The following MAF variants were observed in gnomAD, a reference collection of about 807,000 sequenced individuals.
MAF encodes transcription factor Maf.
MAF carries 10 observed loss-of-function variants against 22.0 expected under a neutral mutation model. The observed-to-expected ratio is 0.45, with a 90% CI of 0.28 to 0.77. MAF has a LOEUF of 0.77. Among genes scored for constraint, MAF ranks in the 30% least tolerant of loss-of-function variants. The probability of loss-of-function intolerance (pLI) is 0.12; values close to 1 mark genes in which losing one functional copy is unlikely to be tolerated. For synonymous variants in MAF, 337 were observed against 255.8 expected, an observed-to-expected ratio of 1.32 and a Z score of -3.03; for missense variants, 544 against 548.4, an observed-to-expected ratio of 0.99 and a Z score of 0.08.
chr16:79,507,089 C>A, the MAF span, among the ~76,000 whole-genome samples: 3 of 150,912 alleles, frequency 2.0e-5, no homozygotes, highest in African/African-American at 7.3e-5. Context: ...TAAAAATAAA[C>A]CATGCTTAAT....
the MAF span, among the ~76,000 whole-genome samples, chr16:79,475,117 A>T: frequency 6.6e-6 from 1 of 152,364 alleles, no homozygotes; most frequent in Non-Finnish European, 1.5e-5. Flanking sequence ...TGTGCAGCTC[A>T]GCAGTGTCCC....
the MAF span, among the ~76,000 whole-genome samples, chr16:79,461,457 G>T: frequency 1.3e-5 from 2 of 152,158 alleles, no homozygotes; most frequent in Non-Finnish European, 1.5e-5. Flanking sequence ...TGTCAGCTCA[G>T]CCAGCAGATG....
the MAF span, among the ~76,000 whole-genome samples, chr16:79,273,632 C>G: frequency 6.6e-6 from 1 of 152,310 alleles, no homozygotes; most frequent in African/African-American, 2.4e-5. Context: ...CCTCTGTCTT[C>G]AAAGCCAGCA....
At chr16:79,315,909 T>C in the MAF span, among the ~76,000 whole-genome samples, 12,831 of 152,282 alleles carry the variant, frequency 0.084, 1,255 homozygotes, top group East Asian at 0.4. Context: ...ATCAATCTGC[T>C]CCTGGGTGTG....
chr16:79,572,883 G>C, the MAF span, among the ~76,000 whole-genome samples: 1 of 152,198 alleles, frequency 6.6e-6, no homozygotes, highest in Non-Finnish European at 1.5e-5. Flanking sequence ...TTATGTCTGT[G>C]AATAGTCTGT....
chr16:79,475,357 T>C, the MAF span, among the ~76,000 whole-genome samples: 5 of 140,456 alleles, frequency 3.6e-5, no homozygotes, highest in African/African-American at 1.2e-4. Flanking sequence ...TATGTATGTA[T>C]ATATATGTGT....
chr16:79,480,105 T>C, the MAF span, among the ~76,000 whole-genome samples: 1 of 152,134 alleles, frequency 6.6e-6, no homozygotes, highest in East Asian at 1.9e-4. Flanking sequence ...ACCCAGATAC[T>C]CCTTGACTGC....
chr16:79,404,896 G>C, the MAF span, among the ~76,000 whole-genome samples: 3 of 152,148 alleles, frequency 2.0e-5, no homozygotes, highest in African/African-American at 7.2e-5. Flanking sequence ...CTTCTCCCCA[G>C]ACACTTACAA....
chr16:79,243,009 G>A, the MAF span, among the ~76,000 whole-genome samples: 10,972 of 151,918 alleles, frequency 0.072, 580 homozygotes, highest in Middle Eastern at 0.14. Flanking sequence ...CAATGAGAAC[G>A]AAGACACAAA....
the MAF span, among the ~76,000 whole-genome samples, chr16:79,284,389 G>A: frequency 1.3e-5 from 2 of 152,160 alleles, no homozygotes; most frequent in African/African-American, 4.8e-5. Context: ...CCCTTAGAGG[G>A]TTCCACTGGG....
the MAF span, among the ~76,000 whole-genome samples, chr16:79,415,082 T>C: frequency 6.6e-6 from 1 of 152,244 alleles, no homozygotes; most frequent in Non-Finnish European, 1.5e-5. Context: ...CAAAGGACTG[T>C]GTGCCCTGCA....
At chr16:79,438,451 A>G in the MAF span, among the ~76,000 whole-genome samples, 1 of 152,288 alleles carries the variant, frequency 6.6e-6, no homozygotes, top group Admixed American at 6.5e-5. Context: ...TGCCAAGGAG[A>G]TAACAGCCTG....
the MAF span, among the ~76,000 whole-genome samples, chr16:79,425,447 C>G: frequency 6.6e-6 from 1 of 152,178 alleles, no homozygotes; most frequent in African/African-American, 2.4e-5. Context: ...CTCTAGCAAA[C>G]TCAGTGTTCA....
At chr16:79,280,525 C>T in the MAF span, among the ~76,000 whole-genome samples, 3 of 152,244 alleles carry the variant, frequency 2.0e-5, no homozygotes, top group Admixed American at 6.5e-5. Context: ...ACCACCTAAA[C>T]TCATTCTTCC....
the MAF span, among the ~76,000 whole-genome samples, chr16:79,327,551 A>G: frequency 3.9e-5 from 6 of 152,190 alleles, no homozygotes; most frequent in Non-Finnish European, 7.3e-5. Context: ...TAGCTTTTGG[A>G]AAAACTTGCT....
At chr16:79,344,654 G>C in the MAF span, among the ~76,000 whole-genome samples, 2 of 152,176 alleles carry the variant, frequency 1.3e-5, no homozygotes, top group African/African-American at 2.4e-5. Context: ...ATTGCAAAGA[G>C]CTGTCCGAAT....
the MAF span, among the ~76,000 whole-genome samples, chr16:79,479,502 G>C: frequency 2.0e-5 from 3 of 152,160 alleles, no homozygotes; most frequent in Non-Finnish European, 4.4e-5. Flanking sequence ...AATTTGTCAG[G>C]GCGGGGCCAT....
the MAF span, among the ~76,000 whole-genome samples, chr16:79,538,846 G>GA: frequency 1.5e-5 from 2 of 134,118 alleles, no homozygotes; most frequent in East Asian, 2.4e-4. Flanking sequence ...AGGAAAGAAA[G>GA]AAAGAAAAGA....
At chr16:79,477,560 G>A in the MAF span, among the ~76,000 whole-genome samples, 2 of 152,150 alleles carry the variant, frequency 1.3e-5, no homozygotes, top group African/African-American at 4.8e-5. Flanking sequence ...CATGGTCACA[G>A]TTGCCTTATG....
Sources: allele counts gnomAD v4.1 joint callset (sites outside exome capture counted in the v4.1 genomes callset), GRCh38; gene constraint gnomAD v4.1.1; transcripts MANE v1.5; gene names NCBI Gene and HGNC (gene_info 2026-07-23, HGNC 2026-07-21).